The following ATAD5 variants were observed in gnomAD, a reference collection of about 807,000 sequenced individuals.
The protein encoded by ATAD5 is ATPase family AAA domain containing 5.
ATAD5 carries 58 observed loss-of-function variants against 176.9 expected under a neutral mutation model. The observed-to-expected ratio is 0.33, with a 90% confidence interval of 0.27 to 0.41. ATAD5 has a LOEUF of 0.41. ATAD5 is among the 10% of genes least tolerant of loss of function. The probability of loss-of-function intolerance (pLI) is 1.00; values close to 1 mark genes in which losing one functional copy is unlikely to be tolerated. For synonymous variants in ATAD5, 640 were observed against 712.6 expected (o/e 0.90, Z 1.62); for missense variants, 1,789 against 2,094.1 (o/e 0.85, Z 2.84).
At chr17:30,843,879 T>C (rs1906297520) in intron 4 of ATAD5, 34 bp from the exon 5 acceptor site, 22 of 1,179,634 alleles carry the variant, frequency 1.9e-5, no homozygotes, top group Non-Finnish European at 2.5e-5. Flanking sequence ...AATTATATGA[T>C]TTAATTAAAA....
Position 30,893,909 on chromosome 17 carries a change from A to G in ATAD5, c.5056A>G (p.Ser1686Gly). 2.5e-6 allele frequency: 4 copies of G among 1,614,112 alleles called. No homozygotes were observed. The highest frequency in any genetic ancestry group is 1.1e-5 in the South Asian group (1 of 91,080). ...DFSWTNGKVT[S>G]GLCDEFSLES... ...TAGTTGGACAAATGGAAAGGTTACAAGTGGACTTTGTGATGAGTTTAGTCT... is the reference window on the plus strand; with the variant it reads ...TAGTTGGACAAATGGAAAGGTTACAGGTGGACTTTGTGATGAGTTTAGTCT... Residue 1686 changes from serine to glycine, a missense_variant, in exon 21 of 23, where the codon AGT (serine) becomes GGT (glycine). Physicochemically the swap from Ser to Gly is moderately conservative, Grantham distance 56. Around this residue, in one of 6 missense-constraint regions of ATAD5, gnomAD observed 403 missense variants for 495.1 expected, o/e 0.81. Coordinates refer to ENST00000321990, the MANE Select transcript of ATAD5 (RefSeq NM_024857.5).
chr17:30,834,021 C>G (rs148312479), intron 1 of ATAD5, 127 bp from the exon 2 acceptor site: 1 of 798,712 alleles, frequency 1.3e-6, no homozygotes, highest in Non-Finnish European at 1.8e-6. Flanking sequence ...TAATATATCA[C>G]GTTTTTCACC....
rs1196650230 is a variant in ATAD5, at chr17:30,832,010, G to C, written c.-338G>C. The C allele has an allele frequency of 5.6e-6, 2 of 359,886 alleles. No homozygotes were observed. Among genetic ancestry groups the C allele is most frequent in the Non-Finnish European group, 9.9e-6 (2 of 201,990 alleles). 22.3% of individuals were successfully genotyped at this position (359,886 alleles called of 1,614,324 possible). A position where few individuals can be genotyped will look rare whatever the true frequency, so the allele number is the denominator to read the frequency against. ...AACCCAATTGACAAGAATTCCCTCC[G>C]AAGCTCTGTGGTCCGATCTGCGGTC... On this transcript the variant is annotated 5_prime_UTR_variant, in exon 1 of 23. Coordinates refer to ENST00000321990, the MANE Select transcript of ATAD5 (RefSeq NM_024857.5).
chr17:30,866,310 G>A (rs1177261255), intron 11 of ATAD5, among the ~76,000 whole-genome samples: 1 of 142,166 alleles, frequency 7.0e-6, no homozygotes, highest in Non-Finnish European at 1.5e-5. Flanking sequence ...AGATTCTCCT[G>A]CCTCAGCCTC....
rs71274248 is a variant in ATAD5 at position 30,895,405 on chromosome 17, C to CTTTTTT, written c.*504_*509dup. 7.7e-6 allele frequency: 1 copy of CTTTTTT among 129,164 alleles called. No homozygotes were observed. Among genetic ancestry groups the CTTTTTT allele is most frequent in the African/African-American group, 2.8e-5 (1 of 35,436 alleles). 8.0% of individuals were successfully genotyped at this position (129,164 alleles called of 1,614,324 possible). On this transcript the variant is annotated 3_prime_UTR_variant, in exon 23 of 23. Transcript: ENST00000321990. ...CATATTGTACAGTTTTTTTTGTGTG[C>CTTTTTT]TTTTTTTTTTTTTTTTTGAGACGGA... is the stretch of plus-strand genomic sequence containing the variant.
At chr17:30,846,312 C>G (rs2142331651) in intron 6 of ATAD5, among the ~76,000 whole-genome samples, 1 of 152,084 alleles carries the variant, frequency 6.6e-6, no homozygotes, top group African/African-American at 2.4e-5. Context: ...CAAACAAATG[C>G]ACACATACAT....
chr17:30,845,789 G>A (rs942445118), intron 6 of ATAD5, among the ~76,000 whole-genome samples: 6 of 152,008 alleles, frequency 3.9e-5, no homozygotes, highest in Non-Finnish European at 8.8e-5. Context: ...TGAGATGATG[G>A]AGGTAAGGAC....
In ATAD5 at chr17:30,834,329, A is replaced by T; in HGVS notation, c.248A>T (p.Lys83Met). 1 of 1,611,468 alleles carries T rather than the reference A, an allele frequency of 6.2e-7. No individual in the cohort carries two copies. Among genetic ancestry groups the T allele is most frequent in the Non-Finnish European group, 8.5e-7 (1 of 1,179,232 alleles). Residue 83 changes from lysine (K) to methionine (M), a missense_variant, in exon 2 of 23, where the codon AAG (lysine) becomes ATG (methionine). By Grantham distance (95) the Lys-to-Met change is moderately conservative. This residue lies in a region of ATAD5 where 696 missense variants were observed against 712.5 expected (regional missense o/e 0.98). Transcript: ENST00000321990. Reference protein sequence around the residue: ...NEKTQLGKECKIKSPESVPVD... With the variant: ...NEKTQLGKECMIKSPESVPVD... ...AAGACACAATTAGGGAAAGAGTGCA[A>T]GATAAAGTCACCTGAATCAGTACCT...
Position 30,880,099 on chromosome 17 carries a change from C to T in ATAD5, c.4077+612C>T, listed in dbSNP as rs151284718. ...GGCAGATTGCTTGAGCTCTGGAGTTCGAGACTAGCTTGGGCAACATGGCAA... is the reference window on the plus strand; with the variant it reads ...GGCAGATTGCTTGAGCTCTGGAGTTTGAGACTAGCTTGGGCAACATGGCAA... On this transcript the variant is annotated intron_variant, in intron 18 of 22. Coordinates refer to ENST00000321990, the MANE Select transcript of ATAD5 (RefSeq NM_024857.5). 8.1e-3 allele frequency among the ~76,000 whole-genome samples: 1,207 copies of T among 148,512 alleles called. 16 individuals are homozygous for T. The highest frequency in any genetic ancestry group is 0.028 in the African/African-American group (1,146 of 40,368).
At chr17:30,884,760 T>G (rs1368882890) in intron 18 of ATAD5, among the ~76,000 whole-genome samples, 2 of 149,282 alleles carry the variant, frequency 1.3e-5, no homozygotes, top group Non-Finnish European at 3.0e-5. Context: ...TTTTTTTTTT[T>G]TTTTTGAGAC....
intron 14 of ATAD5, among the ~76,000 whole-genome samples, chr17:30,873,064 T>G (rs1908434614): frequency 6.6e-6 from 1 of 152,216 alleles, no homozygotes; most frequent in Non-Finnish European, 1.5e-5. Context: ...TTTCTTGTTC[T>G]TATTTATGAT....
At chr17:30,881,533 C>A (rs1027455925) in intron 18 of ATAD5, among the ~76,000 whole-genome samples, 1 of 152,174 alleles carries the variant, frequency 6.6e-6, no homozygotes, top group Admixed American at 6.5e-5. Flanking sequence ...GAACTCTTGA[C>A]CTCAAGTAAT....
intron 6 of ATAD5, among the ~76,000 whole-genome samples, chr17:30,851,572 C>T (rs557472252): frequency 1.9e-4 from 29 of 151,598 alleles, no homozygotes; most frequent in African/African-American, 5.8e-4. Flanking sequence ...TCTGGGAGGC[C>T]GAGTTGGGCA....
In ATAD5 at chr17:30,835,129, G is replaced by T; in HGVS notation, c.1048G>T (p.Glu350Ter). Residue 350 changes from glutamate (E) to a stop codon, truncating the protein, a stop_gained, in exon 2 of 23, where the codon GAA (glutamate) becomes TAA (stop). Transcript: ENST00000321990. LOFTEE classifies it high-confidence loss of function. ...PRIFLKQKQF[E>*]MENSLSDPEN... ...AATTTTCTTGAAACAAAAGCAATTT[G>T]AAATGGAAAATAGTTTATCTGATCC... 1 of 1,614,082 alleles carries T rather than the reference G, an allele frequency of 6.2e-7. No homozygotes were observed. The highest frequency in any genetic ancestry group is 1.1e-5 in the South Asian group (1 of 91,066).
chr17:30,871,815 C>CT (rs1209451033), intron 14 of ATAD5, among the ~76,000 whole-genome samples: 1 of 151,848 alleles, frequency 6.6e-6, no homozygotes, highest in Non-Finnish European at 1.5e-5. Context: ...CCTGACTGTT[C>CT]TTTTTTTTCT....
At chr17:30,868,615 T>C (rs1025477684) in intron 12 of ATAD5, among the ~76,000 whole-genome samples, 1 of 151,016 alleles carries the variant, frequency 6.6e-6, no homozygotes, top group African/African-American at 2.4e-5. Flanking sequence ...CAAGTGATTC[T>C]CATGCCTCAG....
chr17:30,857,162 C>G (rs1907336070), intron 8 of ATAD5, 50 bp downstream of exon 8: 1 of 1,540,028 alleles, frequency 6.5e-7, no homozygotes, highest in South Asian at 1.3e-5. Context: ...TTACATCTTG[C>G]AGAGGAAAAA....
rs139831876 is a variant in ATAD5, at chr17:30,877,740, C to T, written c.3918+191C>T. Among the ~76,000 whole-genome samples, 18 of 152,222 alleles carry T rather than the reference C, an allele frequency of 1.2e-4. No homozygotes were observed. In the East Asian group the frequency reaches 1.7e-3, roughly 15 times the overall value. ...TCAGGAAGATGATTAATGTAATTCA[C>T]GGCTGCTAATTATTGTTAAATGATT... is the stretch of plus-strand genomic sequence containing the variant. On this transcript the variant is annotated intron_variant, in intron 16 of 22. Transcript: ENST00000321990.
intron 4 of ATAD5, among the ~76,000 whole-genome samples, chr17:30,842,877 G>A (rs1184806389): frequency 6.6e-6 from 1 of 152,022 alleles, no homozygotes; most frequent in African/African-American, 2.4e-5. Flanking sequence ...TCGAGTAGCT[G>A]GGATTACAGG....
Sources: gnomAD v4.1 joint callset for allele counts (sites outside exome capture counted in the v4.1 genomes callset) on GRCh38, gnomAD v4.1.1 for gene constraint, gnomAD v4.1.1 regional missense constraint, MANE v1.5 for transcripts, NCBI Gene and HGNC (gene_info 2026-07-23, HGNC 2026-07-21) for gene names.